The following PSTPIP2 variants were observed in gnomAD, a reference collection of about 807,000 sequenced individuals.
The protein encoded by PSTPIP2 is proline-serine-threonine phosphatase-interacting protein 2.
In PSTPIP2, 33 loss-of-function variants were observed where a neutral mutation model predicts 63.3. The observed-to-expected ratio is 0.52, with a 90% CI of 0.40 to 0.70. The LOEUF (loss-of-function observed/expected upper bound fraction) is 0.70, where lower values mean the gene tolerates loss of function less well. Ranked by LOEUF, PSTPIP2 falls within the 30% of genes least tolerant of loss-of-function variation. PSTPIP2 has a pLI of 0.00. For synonymous variants in PSTPIP2, 125 were observed against 132.7 expected (o/e 0.94, Z 0.40); for missense variants, 312 against 400.7 (o/e 0.78, Z 1.89).
At chr18:46,033,735 G>A (rs1036374671) in intron 2 of PSTPIP2, among the ~76,000 whole-genome samples, 3 of 151,698 alleles carry the variant, frequency 2.0e-5, no homozygotes, top group African/African-American at 7.3e-5. Flanking sequence ...GAAGACACAG[G>A]GGAACAACAC....
intron 1 of PSTPIP2, among the ~76,000 whole-genome samples, chr18:46,047,728 T>C (rs1908435790): frequency 6.6e-6 from 1 of 152,034 alleles, no homozygotes; most frequent in Admixed American, 6.6e-5. Context: ...ACTTAAAACA[T>C]GAGTAAGTGT....
chr18:46,016,400 A>G (rs1308306865), intron 3 of PSTPIP2, among the ~76,000 whole-genome samples: 6 of 152,184 alleles, frequency 3.9e-5, no homozygotes, highest in African/African-American at 1.4e-4. Context: ...TCAAAATATG[A>G]ATACAAGGCA....
chr18:46,053,244 T>C (rs997285516), intron 1 of PSTPIP2, among the ~76,000 whole-genome samples: 3 of 152,200 alleles, frequency 2.0e-5, no homozygotes, highest in Non-Finnish European at 2.9e-5. Flanking sequence ...AAAGTTTTCA[T>C]TTAAATTAAG....
chr18:46,007,923 G>A (rs1373681742), intron 5 of PSTPIP2, among the ~76,000 whole-genome samples: 1 of 152,208 alleles, frequency 6.6e-6, no homozygotes, highest in Non-Finnish European at 1.5e-5. Context: ...GGTCACTCGT[G>A]AGTTAGTGGC....
At chr18:46,038,414 C>G (rs1022925507) in intron 2 of PSTPIP2, among the ~76,000 whole-genome samples, 2 of 152,116 alleles carry the variant, frequency 1.3e-5, no homozygotes, top group Non-Finnish European at 2.9e-5. Context: ...GGGTCCTGAG[C>G]CGACAGACAC....
At chr18:46,067,235 G>A (rs1387041449) in intron 1 of PSTPIP2, among the ~76,000 whole-genome samples, 1 of 152,042 alleles carries the variant, frequency 6.6e-6, no homozygotes, top group Admixed American at 6.6e-5. Context: ...GGGCGCAGTG[G>A]CTCACTCCTG....
chr18:46,028,283 A>G, intron 2 of PSTPIP2: 1 of 447,838 alleles, frequency 2.2e-6, no homozygotes, highest in Non-Finnish European at 4.4e-6. Flanking sequence ...ACCGCAGCGA[A>G]GCCGAAGCGT....
At chr18:46,055,669 T>C (rs1259371445) in intron 1 of PSTPIP2, among the ~76,000 whole-genome samples, 1 of 152,118 alleles carries the variant, frequency 6.6e-6, no homozygotes, top group Non-Finnish European at 1.5e-5. Flanking sequence ...AGCCAAATCC[T>C]CTCCAAAATA....
chr18:46,037,394 G>A (rs1158095337), intron 2 of PSTPIP2, among the ~76,000 whole-genome samples: 3 of 152,154 alleles, frequency 2.0e-5, no homozygotes, highest in East Asian at 3.8e-4. Flanking sequence ...TGATCTGCCT[G>A]CCTCGGCCTC....
In PSTPIP2 at chr18:46,006,360, C is replaced by CTTTTTTTTTTTTTT. The variant is rs756384731; in HGVS notation, c.355-843_355-830dup. On this transcript the variant is annotated intron_variant, in intron 5 of 14. Transcript: ENST00000409746. ...TGAGCCACCATGCCCAGCCCTGGTA[C>CTTTTTTTTTTTTTT]TTTTTTTTTTTTTTTTTTTTTTTTT... is the stretch of plus-strand genomic sequence containing the variant. Among the ~76,000 whole-genome samples the CTTTTTTTTTTTTTT allele has an allele frequency of 5.2e-5, 6 of 115,628 alleles. 3 individuals carry two copies. The highest frequency in any genetic ancestry group is 7.4e-5 in the African/African-American group (2 of 27,084). The allele number at this position is 115,628 out of a possible 152,430, so 75.9% of individuals were successfully genotyped here. A position where few individuals can be genotyped will look rare whatever the true frequency, so the allele number is the denominator to read the frequency against.
At chr18:46,057,822 C>A (rs1434030481) in intron 1 of PSTPIP2, among the ~76,000 whole-genome samples, 2 of 151,626 alleles carry the variant, frequency 1.3e-5, no homozygotes, top group African/African-American at 2.4e-5. Context: ...ACGGTGAAAC[C>A]CCGTCTCTAC....
chr18:46,027,409 G>A (rs1426112026), intron 2 of PSTPIP2, among the ~76,000 whole-genome samples: 1 of 151,850 alleles, frequency 6.6e-6, no homozygotes, highest in African/African-American at 2.4e-5. Context: ...AAATAGCTTG[G>A]ACTGGTGTTG....
chr18:46,020,063 CA>C (rs1907289717), intron 3 of PSTPIP2, among the ~76,000 whole-genome samples: 1 of 152,174 alleles, frequency 6.6e-6, no homozygotes, highest in Non-Finnish European at 1.5e-5. Context: ...CCTAAAAGAG[CA>C]GCCCCATCTT....
intron 5 of PSTPIP2, among the ~76,000 whole-genome samples, chr18:46,008,888 G>T (rs563045297): frequency 6.6e-6 from 1 of 152,194 alleles, no homozygotes; most frequent in East Asian, 1.9e-4. Context: ...CCAACCCCCT[G>T]GGGTGAGTAT....
At chr18:46,034,034 G>A (rs909259084) in intron 2 of PSTPIP2, among the ~76,000 whole-genome samples, 6 of 152,160 alleles carry the variant, frequency 3.9e-5, no homozygotes, top group South Asian at 2.1e-4. Flanking sequence ...GCTAATGCAC[G>A]AAGGGAATCT....
intron 2 of PSTPIP2, among the ~76,000 whole-genome samples, chr18:46,034,192 G>A (rs983740011): frequency 2.0e-5 from 3 of 152,118 alleles, no homozygotes; most frequent in Non-Finnish European, 4.4e-5. Flanking sequence ...GAGTCCTGAG[G>A]CACCGGGGCT....
intron 6 of PSTPIP2, among the ~76,000 whole-genome samples, 164 bp downstream of exon 6, chr18:46,005,305 A>G (rs112049696): frequency 2.0e-5 from 3 of 152,312 alleles, no homozygotes; most frequent in African/African-American, 7.2e-5. Context: ...CAACAACAAC[A>G]AAAAAGAAAA....
chr18:46,070,618 A>G (rs1909360063), intron 1 of PSTPIP2, among the ~76,000 whole-genome samples: 2 of 152,166 alleles, frequency 1.3e-5, no homozygotes, highest in Admixed American at 1.3e-4. Context: ...GCCTCAAGCA[A>G]TCCTCTTGCC....
intron 1 of PSTPIP2, among the ~76,000 whole-genome samples, chr18:46,068,031 G>A (rs1019073170): frequency 2.6e-5 from 4 of 151,318 alleles, no homozygotes; most frequent in Admixed American, 6.6e-5. Flanking sequence ...TATTTATCTA[G>A]AGCACTGTAC....
Sources: gnomAD v4.1 joint callset for allele counts (sites outside exome capture counted in the v4.1 genomes callset) on GRCh38, gnomAD v4.1.1 for gene constraint, MANE v1.5 for transcripts, NCBI Gene and HGNC (gene_info 2026-07-23, HGNC 2026-07-21) for gene names.